The following P3H3 variants were observed in gnomAD, a reference collection of about 807,000 sequenced individuals.
P3H3 encodes gene rich cluster, B.
Under a neutral mutation model 78.1 loss-of-function variants are expected in P3H3, and 64 were observed. The ratio of observed to expected loss-of-function variants is 0.82; its 90% CI spans 0.67 to 1.01. P3H3 has a LOEUF of 1.01. Ranked by LOEUF, P3H3 falls within the 50% of genes least tolerant of loss-of-function variation. The probability of loss-of-function intolerance (pLI) is 0.00; values close to 1 mark genes in which losing one functional copy is unlikely to be tolerated. For synonymous variants in P3H3, 425 were observed against 416.7 expected (o/e 1.02, Z -0.24); for missense variants, 975 against 982.2 (o/e 0.99, Z 0.10).
At position 6,831,023 on chromosome 12, in the gene P3H3, C is replaced by T. The variant is rs782794968; in HGVS notation, c.986-193C>T. On this transcript the variant is annotated intron_variant, in intron 4 of 14. Coordinates refer to ENST00000290510, the MANE Select transcript of P3H3 (RefSeq NM_014262.5). This position sits in a 1 kb window ranked among gnomAD's most constrained non-coding sequence, Gnocchi z 4.6. ...CCCCCCTCTTGCTCTTCTTTGAACT[C>T]TCCAGCTAAGGTATGTTTGCACCAG... 1.2e-6 allele frequency: 1 copy of T among 861,350 alleles called. No individual in the cohort carries two copies. Among genetic ancestry groups the T allele is most frequent in the Non-Finnish European group, 1.9e-6 (1 of 518,474 alleles). 53.4% of individuals were successfully genotyped at this position (861,350 alleles called of 1,614,324 possible). A position where few individuals can be genotyped will look rare whatever the true frequency, so the allele number is the denominator to read the frequency against.
At position 6,828,508 on chromosome 12, in the gene P3H3, C is replaced by T. The variant is rs998555133; in HGVS notation, c.68C>T (p.Pro23Leu). The T allele has an allele frequency of 2.2e-6, 3 of 1,348,866 alleles. No homozygotes were observed. Among genetic ancestry groups the T allele is most frequent in the South Asian group, 1.6e-5 (1 of 60,932 alleles). 83.6% of individuals were successfully genotyped at this position (1,348,866 alleles called of 1,614,324 possible). ...CCTCCCCCGGGGTCCCCTGAGCCCCCCGGCCTGACCCAGCTGTCCCCGGGG... is the reference window on the plus strand; with the variant it reads ...CCTCCCCCGGGGTCCCCTGAGCCCCTCGGCCTGACCCAGCTGTCCCCGGGG... ...LLPPPGSPEP[P>L]GLTQLSPGAP... Residue 23 changes from proline to leucine, a missense_variant, in exon 1 of 15, where the codon CCC (proline) becomes CTC (leucine). Coordinates refer to ENST00000290510, the MANE Select transcript of P3H3 (RefSeq NM_014262.5).
Position 6,837,325 on chromosome 12 carries a change from C to T in P3H3, c.1561-98C>T, listed in dbSNP as rs1591582456. On this transcript the variant is annotated intron_variant, in intron 10 of 14. Transcript: ENST00000290510. ...GAGCTGGATGCTGACAGACTCCAAA[C>T]CCATGGGTGGAGAGCGGCAGAGTTG... The T allele has an allele frequency of 4.7e-6, 7 of 1,488,802 alleles. 1 individual carries two copies. In the East Asian group the frequency reaches 1.2e-4, roughly 26 times the overall value. The allele number at this position is 1,488,802 out of a possible 1,614,324, so 92.2% of individuals were successfully genotyped here.
intron 9 of P3H3, among the ~76,000 whole-genome samples, chr12:6,835,564 A>G (rs1401228964): frequency 6.6e-6 from 1 of 152,164 alleles, no homozygotes; most frequent in East Asian, 1.9e-4. Context: ...AGCCTGGGCA[A>G]CAAGATCAAA....
In P3H3 at chr12:6,829,682, T is replaced by C; in HGVS notation, c.499-177T>C. The C allele has an allele frequency of 1.5e-6, 1 of 654,632 alleles. No individual in the cohort carries two copies. The allele number at this position is 654,632 out of a possible 1,614,324, so 40.6% of individuals were successfully genotyped here. A position where few individuals can be genotyped will look rare whatever the true frequency, so the allele number is the denominator to read the frequency against. On this transcript the variant is annotated intron_variant, in intron 1 of 14. Coordinates refer to ENST00000290510, the MANE Select transcript of P3H3 (RefSeq NM_014262.5). The surrounding 1 kb of genome is among the most constrained non-coding windows in gnomAD (Gnocchi z 5.1). ...TGCCAGCCTTCTGAGAGTCCCAACG[T>C]TCTGGCCTCTAGGGGATCTGCAGTT...
rs1399499653 is a variant in P3H3 at position 6,834,015 on chromosome 12, C to A, written c.1424C>A (p.Pro475Gln). 6.2e-7 allele frequency: 1 copy of A among 1,613,700 alleles called. No individual in the cohort carries two copies. The highest frequency in any genetic ancestry group is 8.5e-7 in the Non-Finnish European group (1 of 1,179,892). The change falls in exon 9 of 15, where the codon CCA becomes CAA. Residue 475 changes from proline to glutamine, a missense_variant. By Grantham distance (76) the Pro-to-Gln change is moderately conservative (BLOSUM62 -1). Coordinates refer to ENST00000290510, the MANE Select transcript of P3H3 (RefSeq NM_014262.5). Reference protein sequence around the residue: ...ERAVLDGLLTPAECGVLLQLA... With the variant: ...ERAVLDGLLTQAECGVLLQLA... Reference sequence around the variant, plus strand: ...GCGGTGTTGGATGGGCTGCTCACCCCAGCCGAGTGTGGGGTGCTGCTGCAG... The same window carrying A: ...GCGGTGTTGGATGGGCTGCTCACCCAAGCCGAGTGTGGGGTGCTGCTGCAG...
At chr12:6,837,280 G>A (rs1366605094) in intron 10 of P3H3, 143 bp from the exon 11 acceptor site, 34 of 1,190,544 alleles carry the variant, frequency 2.9e-5, no homozygotes, top group Non-Finnish European at 3.7e-5. Flanking sequence ...GAGAGAAGGA[G>A]CAGTTTGGGC....
chr12:6,828,634 G>C lies in P3H3; in HGVS notation c.194G>C (p.Arg65Pro). The stretch of plus-strand genomic sequence containing the variant: ...GTGGCGCTGCTGCGGGAGGCGCTGC[G>C]GAGCCAGGCGGCGCTGGGCCGGGTG... ...PAVALLREAL[R>P]SQAALGRVRL... The change falls in exon 1 of 15, where the codon CGG becomes CCG. Residue 65 changes from arginine (R) to proline (P), a missense_variant. Transcript: ENST00000290510. The C allele has an allele frequency of 8.2e-7, 1 of 1,214,824 alleles. No individual in the cohort carries two copies. The highest frequency in any genetic ancestry group is 1.0e-6 in the Non-Finnish European group (1 of 977,614). The allele number at this position is 1,214,824 out of a possible 1,614,324, so 75.3% of individuals were successfully genotyped here. A position where few individuals can be genotyped will look rare whatever the true frequency, so the allele number is the denominator to read the frequency against.
rs1242123835 is a variant in P3H3 at position 6,839,157 on chromosome 12, GA to G, written c.2046+19del. 12 of 1,588,280 alleles carry G rather than the reference GA, an allele frequency of 7.6e-6. No homozygotes were observed. Among genetic ancestry groups the G allele is most frequent in the African/African-American group, 1.3e-5 (1 of 74,432 alleles). Reference sequence around the variant, plus strand: ...AGGGAGCAGGTAAGGAGCGGGGTAGGAAGGGATGTGGTTCTCCTGGTGCGTG... The same window carrying G: ...AGGGAGCAGGTAAGGAGCGGGGTAGGAGGGATGTGGTTCTCCTGGTGCGTG... On this transcript the variant is annotated intron_variant, in intron 14 of 14. Transcript: ENST00000290510.
chr12:6,835,792 T>G (rs1356807683), intron 9 of P3H3, among the ~76,000 whole-genome samples: 1 of 152,076 alleles, frequency 6.6e-6, no homozygotes, highest in Non-Finnish European at 1.5e-5. Flanking sequence ...TGCAGGATTT[T>G]AGGACGGTTG....
At position 6,837,499 on chromosome 12, in the gene P3H3, C is replaced by T. The variant is rs2137967728; in HGVS notation, c.1637C>T (p.Thr546Ile). The change falls in exon 11 of 15, where the codon ACC (threonine) becomes ATC (isoleucine). Residue 546 changes from threonine to isoleucine, a missense_variant. Physicochemically the swap from Thr to Ile is moderately conservative, Grantham distance 89. Coordinates refer to ENST00000290510, the MANE Select transcript of P3H3 (RefSeq NM_014262.5). ...GTGAGCGAGCGGGTGCGGACCTTGA[C>T]CCAGGCCTACTTCTCCCCGGAACGG... ...LEVSERVRTLTQAYFSPERPL... is the reference protein window; with the variant it reads ...LEVSERVRTLIQAYFSPERPL... 1.2e-6 allele frequency: 2 copies of T among 1,611,750 alleles called. No individual in the cohort carries two copies. The highest frequency in any genetic ancestry group is 2.2e-5 in the East Asian group (1 of 44,764).
rs1943506868 is a variant in P3H3, at chr12:6,837,159, CA to C, written c.1560+74del. On this transcript the variant is annotated intron_variant, in intron 10 of 14. Coordinates refer to ENST00000290510, the MANE Select transcript of P3H3 (RefSeq NM_014262.5). ...AGAGGCTGTGCAGGAAGCCGGGCCC[CA>C]GGGCCTGGGCTTTTGTGAAGGAGCT... 5 of 1,355,932 alleles carry C rather than the reference CA, an allele frequency of 3.7e-6. No homozygotes were observed. In the Admixed American group the frequency reaches 7.6e-5, roughly 21 times the overall value. 84.0% of individuals were successfully genotyped at this position (1,355,932 alleles called of 1,614,324 possible).
Position 6,836,992 on chromosome 12 carries a change from C to G in P3H3, c.1466C>G (p.Ala489Gly), listed in dbSNP as rs782748391. The stretch of plus-strand genomic sequence containing the variant: ...AAACTCCTTCCTATTTAGGATGCAG[C>G]TGGGGCTGGAGCCAGGTCTGGCTAT... ...GVLLQLAKDA[A>G]GAGARSGYRG... Residue 489 changes from alanine to glycine, a missense_variant, in exon 10 of 15, where the codon GCT (alanine) becomes GGT (glycine). Ala to Gly is a moderately conservative substitution (Grantham distance 60, BLOSUM62 0). Coordinates refer to ENST00000290510, the MANE Select transcript of P3H3 (RefSeq NM_014262.5). The G allele has an allele frequency of 1.2e-6, 2 of 1,610,992 alleles. No homozygotes were observed. The highest frequency in any genetic ancestry group is 4.5e-5 in the East Asian group (2 of 44,884).
At chr12:6,834,518 A>G (rs1943477537) in intron 9 of P3H3, among the ~76,000 whole-genome samples, 1 of 152,278 alleles carries the variant, frequency 6.6e-6, no homozygotes, top group Non-Finnish European at 1.5e-5. Context: ...GCTATACACT[A>G]GAAACTGCTA....
intron 13 of P3H3, among the ~76,000 whole-genome samples, chr12:6,838,245 A>G (rs1310890001): frequency 3.3e-5 from 5 of 152,156 alleles, no homozygotes; most frequent in African/African-American, 4.8e-5. Context: ...CTCGCCTCCT[A>G]AAGAAGGGTG....
rs782055114 is a variant in P3H3 at position 6,839,359 on chromosome 12, AG to A, written c.2110del (p.Glu704LysfsTer46). ...AGGAGGAGGAGGAAGAGGAAGAGGA[AG>A]AAATGCCCAGCAAAGACCCTTCCCC... ...SQEEEEEEEE[E>X]MPSKDPSPEP... On this transcript the variant is annotated frameshift_variant, in exon 15 of 15. Coordinates refer to ENST00000290510, the MANE Select transcript of P3H3 (RefSeq NM_014262.5). LOFTEE classifies it high-confidence loss of function. The A allele has an allele frequency of 6.4e-7, 1 of 1,553,796 alleles. No homozygotes were observed. The highest frequency in any genetic ancestry group is 8.7e-7 in the Non-Finnish European group (1 of 1,148,130).
At position 6,830,778 on chromosome 12, in the gene P3H3, G is replaced by A; in HGVS notation, c.985+8G>A. On this transcript the variant is annotated splice_region_variant and intron_variant, in intron 4 of 14. Transcript: ENST00000290510. The stretch of plus-strand genomic sequence containing the variant: ...ATGAGGCCCATGCTCAGGGTCAGTT[G>A]GGGAAGGGTGGAAACGGGGAGTGAA... 1 of 1,613,902 alleles carries A rather than the reference G, an allele frequency of 6.2e-7. No homozygotes were observed. The highest frequency in any genetic ancestry group is 8.5e-7 in the Non-Finnish European group (1 of 1,179,852).
chr12:6,834,303 G>A (rs1451511615), intron 9 of P3H3, among the ~76,000 whole-genome samples: 2 of 152,204 alleles, frequency 1.3e-5, no homozygotes, highest in South Asian at 2.1e-4. Flanking sequence ...GCATAAAAAT[G>A]GATGAGTGTG....
chr12:6,834,475 G>C (rs1267299402), intron 9 of P3H3, among the ~76,000 whole-genome samples: 3 of 152,132 alleles, frequency 2.0e-5, no homozygotes, highest in African/African-American at 7.2e-5. Flanking sequence ...TCTTAGGTTA[G>C]TGCTCATTCA....
At chr12:6,836,769 C>T (rs1002497738) in intron 9 of P3H3, among the ~76,000 whole-genome samples, 2 of 152,180 alleles carry the variant, frequency 1.3e-5, no homozygotes, top group Admixed American at 6.5e-5. Flanking sequence ...CCTTAGTAAG[C>T]GGGATTCCAG....
Sources: gnomAD v4.1 joint callset for allele counts (sites outside exome capture counted in the v4.1 genomes callset) on GRCh38, gnomAD v4.1.1 for gene constraint, Gnocchi (gnomAD v3.1) non-coding constraint, MANE v1.5 for transcripts, NCBI Gene and HGNC (gene_info 2026-07-23, HGNC 2026-07-21) for gene names.